Variants in ACTL8 observed in about 807,000 individuals in gnomAD.
ACTL8 encodes the protein actin-like protein 8.
ACTL8 carries 3 observed loss-of-function variants against 9.3 expected under a neutral mutation model. That is an observed-to-expected ratio of 0.32 (90% confidence interval 0.15 to 0.83). The LOEUF is 0.83. ACTL8 is among the 40% of genes least tolerant of loss of function. The pLI is 0.57. For missense variants in ACTL8, 381 were observed against 492.2 expected (o/e 0.77, Z 2.14); for synonymous variants, 224 against 205.9 (o/e 1.09, Z -0.75).
chr1:17,783,620 G>A (rs1261852503), intron 1 of ACTL8, among the ~76,000 whole-genome samples: 1 of 152,180 alleles, frequency 6.6e-6, no homozygotes, highest in African/African-American at 2.4e-5. Context: ...GTGTCCCTGA[G>A]GTGAGTTTAT....
At chr1:17,774,311 G>A (rs112361628) in intron 1 of ACTL8, among the ~76,000 whole-genome samples, 1 of 152,046 alleles carries the variant, frequency 6.6e-6, no homozygotes, top group South Asian at 2.1e-4. Flanking sequence ...CCTTGCCCAC[G>A]CTGGGGGGTG....
intron 1 of ACTL8, among the ~76,000 whole-genome samples, chr1:17,815,156 G>A (rs1167362636): frequency 6.6e-6 from 1 of 152,192 alleles, no homozygotes; most frequent in African/African-American, 2.4e-5. Flanking sequence ...TACAACCTAG[G>A]TAAGTAGTAG....
At chr1:17,778,625 C>A (rs1485993460) in intron 1 of ACTL8, among the ~76,000 whole-genome samples, 1 of 152,062 alleles carries the variant, frequency 6.6e-6, no homozygotes, top group African/African-American at 2.4e-5. Context: ...CACAGCTGTA[C>A]CTTGGATTTG....
rs141995143 is a variant in ACTL8, at chr1:17,778,873, G to A, written c.-25+23369G>A. 2.3e-3 allele frequency among the ~76,000 whole-genome samples: 351 copies of A among 152,276 alleles called. 2 individuals are homozygous for A. The highest frequency in any genetic ancestry group is 7.2e-3 in the African/African-American group (300 of 41,552). On this transcript the variant is annotated intron_variant, in intron 1 of 2. Transcript: ENST00000375406. Reference sequence around the variant, plus strand: ...TGGATTTGGTGCTCGTGTGTTGGGCGATGAGTTGAAGAAGAGATGCTGGAG... The same window carrying A: ...TGGATTTGGTGCTCGTGTGTTGGGCAATGAGTTGAAGAAGAGATGCTGGAG...
intron 1 of ACTL8, among the ~76,000 whole-genome samples, chr1:17,798,847 G>A (rs181184834): frequency 2.0e-5 from 3 of 152,260 alleles, no homozygotes; most frequent in South Asian, 4.1e-4. Flanking sequence ...GTGTGCATCC[G>A]TGTAAAATAA....
intron 1 of ACTL8, among the ~76,000 whole-genome samples, chr1:17,808,861 C>T (rs1194613813): frequency 3.3e-5 from 5 of 152,078 alleles, no homozygotes; most frequent in East Asian, 1.9e-4. Flanking sequence ...AACATTCCAG[C>T]GTGGCTTTAG....
intron 1 of ACTL8, among the ~76,000 whole-genome samples, chr1:17,758,525 G>A (rs1558092073): frequency 6.6e-6 from 1 of 152,192 alleles, no homozygotes; most frequent in Non-Finnish European, 1.5e-5. Flanking sequence ...CTTGAGGAAG[G>A]AGCCTGCATC....
At chr1:17,755,687 G>A (rs563609316) in intron 1 of ACTL8, among the ~76,000 whole-genome samples, 183 bp downstream of exon 1, 1 of 152,066 alleles carries the variant, frequency 6.6e-6, no homozygotes, top group South Asian at 2.1e-4. Flanking sequence ...CTCTACCTCA[G>A]ACCAAGGGCT....
intron 1 of ACTL8, among the ~76,000 whole-genome samples, chr1:17,790,598 G>C (rs769750600): frequency 6.6e-5 from 10 of 152,196 alleles, no homozygotes; most frequent in Non-Finnish European, 1.5e-4. Flanking sequence ...GGCACCCATG[G>C]GCGGGCCCAG....
intron 1 of ACTL8, among the ~76,000 whole-genome samples, chr1:17,781,963 A>T (rs1433332975): frequency 2.0e-5 from 3 of 152,172 alleles, no homozygotes; most frequent in African/African-American, 7.2e-5. Flanking sequence ...AGCCAGATGG[A>T]GCCAAGAAGA....
At chr1:17,792,285 G>A (rs564008892) in intron 1 of ACTL8, among the ~76,000 whole-genome samples, 1 of 152,294 alleles carries the variant, frequency 6.6e-6, no homozygotes, top group South Asian at 2.1e-4. Context: ...AACCCTTCTT[G>A]ACAAATGGGG....
At chr1:17,802,736 A>C (rs2066330573) in intron 1 of ACTL8, among the ~76,000 whole-genome samples, 1 of 152,140 alleles carries the variant, frequency 6.6e-6, no homozygotes, top group South Asian at 2.1e-4. Context: ...TAATCCCAGC[A>C]CTTTGGGAGG....
chr1:17,777,315 A>G (rs770964503), intron 1 of ACTL8, among the ~76,000 whole-genome samples: 8 of 152,042 alleles, frequency 5.3e-5, no homozygotes, highest in Admixed American at 1.3e-4. Context: ...TAGAAATGCT[A>G]CTTCCTCTAC....
At chr1:17,757,414 A>G (rs2065975411) in intron 1 of ACTL8, among the ~76,000 whole-genome samples, 1 of 152,174 alleles carries the variant, frequency 6.6e-6, no homozygotes, top group Admixed American at 6.5e-5. Flanking sequence ...GAAACATGGA[A>G]TGGGGGCAGT....
intron 1 of ACTL8, among the ~76,000 whole-genome samples, chr1:17,804,113 T>G (rs943605451): frequency 2.0e-5 from 3 of 152,230 alleles, no homozygotes; most frequent in Admixed American, 6.5e-5. Context: ...AGCAGTTTGA[T>G]CCAGAAGTTC....
intron 1 of ACTL8, among the ~76,000 whole-genome samples, chr1:17,821,877 T>G (rs2053665204): frequency 6.6e-6 from 1 of 152,190 alleles, no homozygotes; most frequent in Admixed American, 6.5e-5. Flanking sequence ...CTGGCCGCCT[T>G]GGCCTCCCAA....
chr1:17,807,196 T>G (rs1163497531), intron 1 of ACTL8, among the ~76,000 whole-genome samples: 1 of 152,238 alleles, frequency 6.6e-6, no homozygotes, highest in East Asian at 1.9e-4. Context: ...CCAGTAATCT[T>G]AATTCCATCC....
At chr1:17,759,237 C>T (rs904139920) in intron 1 of ACTL8, among the ~76,000 whole-genome samples, 1 of 152,248 alleles carries the variant, frequency 6.6e-6, no homozygotes, top group Non-Finnish European at 1.5e-5. Flanking sequence ...TAAATTTTCT[C>T]CCTGTCCAGG....
Position 17,779,424 on chromosome 1 carries a change from T to C in ACTL8, c.-25+23920T>C, listed in dbSNP as rs148681662. 1.5e-3 allele frequency among the ~76,000 whole-genome samples: 226 copies of C among 152,320 alleles called. 3 individuals carry two copies. The highest frequency in any genetic ancestry group is 0.014 in the South Asian group (66 of 4,820). On this transcript the variant is annotated intron_variant, in intron 1 of 2. Coordinates refer to ENST00000375406, the MANE Select transcript of ACTL8 (RefSeq NM_030812.3). ...CTTCCCCACATTATAGCTGTGTGAA[T>C]TTGGGAAAATCCTTTTATCTTTCTG...
Sources: allele counts gnomAD v4.1 joint callset (sites outside exome capture counted in the v4.1 genomes callset), GRCh38; gene constraint gnomAD v4.1.1; transcripts MANE v1.5; gene names NCBI Gene and HGNC (gene_info 2026-07-23, HGNC 2026-07-21).